Variants in ZCWPW1 observed in about 807,000 individuals in gnomAD.
The protein encoded by ZCWPW1 is zinc finger CW-type PWWP domain protein 1.
A neutral mutation model predicts 81.3 loss-of-function variants in ZCWPW1; 56 were observed. That is an observed-to-expected ratio of 0.69 (90% CI 0.56 to 0.86). ZCWPW1 has a LOEUF of 0.86. ZCWPW1 is among the 40% of genes least tolerant of loss of function. The probability of loss-of-function intolerance (pLI) is 0.00; values close to 1 mark genes in which losing one functional copy is unlikely to be tolerated. For synonymous variants in ZCWPW1, 250 were observed against 273.7 expected, an observed-to-expected ratio of 0.91 and a Z score of 0.86; for missense variants, 650 against 769.8, an observed-to-expected ratio of 0.84 and a Z score of 1.84.
At chr7:100,405,306 T>C (rs1403661810) in intron 12 of ZCWPW1, among the ~76,000 whole-genome samples, 1 of 151,872 alleles carries the variant, frequency 6.6e-6, no homozygotes, top group Non-Finnish European at 1.5e-5. Context: ...TGGGCGCCTG[T>C]AACCCCAGCT....
Position 100,419,822 on chromosome 7 carries a change from T to C in ZCWPW1, c.90A>G (p.Leu30=). The part of the protein sequence containing the change: ...APPAQKSYSL[L]PCSPNSPKEE... ...CCTTAGGGGAGTTAGGGCTACAAGG[T>C]AACAGGCTGTAAGATTTTTGTGCAG... is the stretch of plus-strand genomic sequence containing the variant. The change falls in exon 4 of 18, where the codon TTA becomes TTG. Residue 30 remains leucine, a synonymous_variant. Transcript: ENST00000684423. 2 of 1,604,600 alleles carry C rather than the reference T, an allele frequency of 1.2e-6. No homozygotes were observed. Among genetic ancestry groups the C allele is most frequent in the Non-Finnish European group, 1.7e-6 (2 of 1,176,994 alleles).
rs984653255 is a variant in ZCWPW1, at chr7:100,421,699, C to CT, written c.-29-1022dup. 2.9e-3 allele frequency among the ~76,000 whole-genome samples: 433 copies of CT among 148,732 alleles called. 1 individual carries two copies. The highest frequency in any genetic ancestry group is 0.01 in the African/African-American group (416 of 40,612). ...TGTTCCACACGACATCAATGTGTTT[C>CT]TTTTTTTTTTGAGATGGAATTTTGC... On this transcript the variant is annotated intron_variant, in intron 2 of 17. Transcript: ENST00000684423.
At chr7:100,411,217 G>A (rs574601939) in intron 8 of ZCWPW1, among the ~76,000 whole-genome samples, 4 of 151,702 alleles carry the variant, frequency 2.6e-5, no homozygotes, top group African/African-American at 9.7e-5. Flanking sequence ...AAAAGTTGAC[G>A]TGCATTTGGG....
At chr7:100,411,377 C>T (rs1794127614) in intron 8 of ZCWPW1, among the ~76,000 whole-genome samples, 1 of 152,068 alleles carries the variant, frequency 6.6e-6, no homozygotes. Context: ...AGTGATCCTC[C>T]CACTTCAGCC....
rs750883641 is a variant in ZCWPW1, at chr7:100,401,881, A to G, written c.1627+8T>C. ...TCCCCTTAGTTTTTCCCAGGCCTTG[A>G]GCCTTACCTGGCTGGTCAGAATCTG... On this transcript the variant is annotated splice_region_variant and intron_variant, in intron 17 of 17. Transcript: ENST00000684423. 1 of 1,607,382 alleles carries G rather than the reference A, an allele frequency of 6.2e-7. No individual in the cohort carries two copies. The highest frequency in any genetic ancestry group is 8.5e-7 in the Non-Finnish European group (1 of 1,176,202).
chr7:100,421,885 T>A (rs2130835000), intron 2 of ZCWPW1, among the ~76,000 whole-genome samples: 1 of 152,096 alleles, frequency 6.6e-6, no homozygotes, highest in South Asian at 2.1e-4. Flanking sequence ...AGAGACGGAG[T>A]TTCTCCATAT....
At chr7:100,420,376 G>A (rs1796129787) in intron 3 of ZCWPW1, among the ~76,000 whole-genome samples, 1 of 152,026 alleles carries the variant, frequency 6.6e-6, no homozygotes, top group African/African-American at 2.4e-5. Context: ...CATAACTGGT[G>A]GCATTTACCA....
intron 10 of ZCWPW1, among the ~76,000 whole-genome samples, chr7:100,408,028 G>A (rs1793419158): frequency 6.6e-6 from 1 of 152,138 alleles, no homozygotes; most frequent in African/African-American, 2.4e-5. Context: ...TTGGTTCACT[G>A]CAACCTCTGC....
chr7:100,406,748 G>A lies in ZCWPW1; in HGVS notation c.1119C>T (p.Ile373=), dbSNP rs1793090663. 1 of 1,614,038 alleles carries A rather than the reference G, an allele frequency of 6.2e-7. No homozygotes were observed. Among genetic ancestry groups the A allele is most frequent in the East Asian group, 2.2e-5 (1 of 44,904 alleles). Residue 373 remains isoleucine (I), a synonymous_variant, in exon 12 of 18, where the codon ATC becomes ATT. Transcript: ENST00000684423. ...GGAAGTTCTTTAGCATGTTGACTGG[G>A]ATCCATGCACGAGAAACTGTTTCTC... ...FFGETVSRAW[I]PVNMLKNFQE... is the part of the protein sequence containing the mutation.
At chr7:100,424,297 G>A (rs569663118) in intron 2 of ZCWPW1, among the ~76,000 whole-genome samples, 1 of 152,024 alleles carries the variant, frequency 6.6e-6, no homozygotes, top group East Asian at 1.9e-4. Context: ...GGTATAATAG[G>A]CTTGTTAATC....
At chr7:100,406,199 G>GC (rs1169405782) in intron 12 of ZCWPW1, among the ~76,000 whole-genome samples, 2 of 152,248 alleles carry the variant, frequency 1.3e-5, no homozygotes, top group Middle Eastern at 3.4e-3. Context: ...GGTAGACTGT[G>GC]CCCCCCAGAA....
chr7:100,404,036 T>C (rs1368962543), intron 14 of ZCWPW1, 142 bp downstream of exon 14: 2 of 910,764 alleles, frequency 2.2e-6, no homozygotes, highest in Non-Finnish European at 3.3e-6. Flanking sequence ...ACTGGGTCAA[T>C]GACATTCACA....
chr7:100,426,353 G>A (rs866503191), intron 1 of ZCWPW1, among the ~76,000 whole-genome samples: 1 of 152,044 alleles, frequency 6.6e-6, no homozygotes, highest in Admixed American at 6.6e-5. Context: ...ATTAGCCAGC[G>A]TGGTGGCAGG....
chr7:100,403,711 C>T lies in ZCWPW1; in HGVS notation c.1396G>A (p.Glu466Lys). 1.2e-6 allele frequency: 2 copies of T among 1,613,534 alleles called. No homozygotes were observed. The highest frequency in any genetic ancestry group is 1.7e-6 in the Non-Finnish European group (2 of 1,179,732). ...KKEKEEELEK[E>K]EGEKTDPILP... The stretch of plus-strand genomic sequence containing the variant: ...AATCTTACTGTTTTCTCTCCTTCCT[C>T]CTTTTCCAACTCTTCCTCTTTCTCC... Residue 466 changes from glutamate (E) to lysine (K), a missense_variant, in exon 15 of 18, where the codon GAG (glutamate) becomes AAG (lysine). By Grantham distance (56) the Glu-to-Lys change is moderately conservative. Transcript: ENST00000684423.
chr7:100,412,731 G>A (rs1402716855), intron 8 of ZCWPW1, among the ~76,000 whole-genome samples: 2 of 151,894 alleles, frequency 1.3e-5, no homozygotes, highest in African/African-American at 2.4e-5. Context: ...ACAGGCGCCC[G>A]CTACCACACC....
At chr7:100,422,493 C>T (rs1796539414) in intron 2 of ZCWPW1, among the ~76,000 whole-genome samples, 1 of 152,218 alleles carries the variant, frequency 6.6e-6, no homozygotes, top group South Asian at 2.1e-4. Flanking sequence ...CAAGACTCAT[C>T]TGCGAACATT....
chr7:100,401,595 T>G (rs762441715), intron 17 of ZCWPW1, among the ~76,000 whole-genome samples: 3 of 152,170 alleles, frequency 2.0e-5, no homozygotes, highest in Non-Finnish European at 4.4e-5. Context: ...GAGAGAGCTA[T>G]TGAAAAAAAT....
Position 100,422,327 on chromosome 7 carries a change from G to A in ZCWPW1, c.-29-1649C>T, listed in dbSNP as rs143062191. Among the ~76,000 whole-genome samples, 901 of 152,230 alleles carry A rather than the reference G, an allele frequency of 5.9e-3. 7 individuals carry two copies. Among genetic ancestry groups the A allele is most frequent in the African/African-American group, 0.021 (859 of 41,534 alleles). ...CACACAGAAAACATACATTAATAGCGTATACTGAAACACATAGAAAATGAC... is the reference window on the plus strand; with the variant it reads ...CACACAGAAAACATACATTAATAGCATATACTGAAACACATAGAAAATGAC... On this transcript the variant is annotated intron_variant, in intron 2 of 17. Coordinates refer to ENST00000684423, the MANE Select transcript of ZCWPW1 (RefSeq NM_001386010.1).
intron 16 of ZCWPW1, 130 bp downstream of exon 16, chr7:100,402,386 T>G: frequency 9.9e-7 from 1 of 1,009,462 alleles, no homozygotes; most frequent in African/African-American, 1.6e-5. Context: ...ACACTATGGG[T>G]GAGTGTTGCC....
Sources: gnomAD v4.1 joint callset for allele counts (sites outside exome capture counted in the v4.1 genomes callset) on GRCh38, gnomAD v4.1.1 for gene constraint, MANE v1.5 for transcripts, NCBI Gene and HGNC (gene_info 2026-07-23, HGNC 2026-07-21) for gene names.